Variants in FGD3 observed in about 807,000 individuals in gnomAD.
The protein encoded by FGD3 is FYVE, RhoGEF and PH domain-containing protein 3.
FGD3 carries 45 observed loss-of-function variants against 71.8 expected under a neutral mutation model. That is an observed-to-expected ratio of 0.63 (90% confidence interval 0.49 to 0.80). FGD3 has a LOEUF of 0.80. Ranked by LOEUF, FGD3 falls within the 30% of genes least tolerant of loss-of-function variation. The probability of loss-of-function intolerance (pLI) is 0.00; values close to 1 mark genes in which losing one functional copy is unlikely to be tolerated. For missense variants in FGD3, 844 were observed against 951.5 expected, an observed-to-expected ratio of 0.89 and a Z score of 1.49; for synonymous variants, 378 against 392.8, an observed-to-expected ratio of 0.96 and a Z score of 0.44.
chr9:93,005,663 T>C (rs1000549467), intron 5 of FGD3, among the ~76,000 whole-genome samples: 1 of 152,266 alleles, frequency 6.6e-6, no homozygotes, highest in African/African-American at 2.4e-5. Flanking sequence ...CCATTGTTTC[T>C]AATCTTTGCC....
At chr9:92,952,821 C>G (rs922606956) in intron 1 of FGD3, among the ~76,000 whole-genome samples, 1 of 151,750 alleles carries the variant, frequency 6.6e-6, no homozygotes, top group Non-Finnish European at 1.5e-5. Flanking sequence ...CCTTAGGTGC[C>G]TCCAGTTCTA....
chr9:92,967,575 G>A (rs1039538554), intron 1 of FGD3, among the ~76,000 whole-genome samples: 18 of 151,892 alleles, frequency 1.2e-4, no homozygotes, highest in Non-Finnish European at 1.8e-4. Flanking sequence ...ATTTCCTTCC[G>A]GTTTATTTAT....
chr9:93,008,038 A>G (rs1034846798), intron 6 of FGD3, among the ~76,000 whole-genome samples: 5 of 152,200 alleles, frequency 3.3e-5, no homozygotes, highest in African/African-American at 1.2e-4. Context: ...AGGATATTTT[A>G]AACGTTAAAC....
At chr9:92,955,314 C>T (rs1859030574) in intron 1 of FGD3, among the ~76,000 whole-genome samples, 1 of 152,068 alleles carries the variant, frequency 6.6e-6, no homozygotes, top group Non-Finnish European at 1.5e-5. Context: ...GTGGGCGGAT[C>T]ACCTGAGGTC....
At chr9:92,965,178 G>C (rs1044803098) in intron 1 of FGD3, among the ~76,000 whole-genome samples, 6 of 152,202 alleles carry the variant, frequency 3.9e-5, no homozygotes, top group African/African-American at 1.4e-4. Context: ...GGCATGTTCG[G>C]GTCACACAGC....
At position 92,948,837 on chromosome 9, in the gene FGD3, C is replaced by A. The variant is rs565378238; in HGVS notation, c.-218+1108C>A. On this transcript the variant is annotated intron_variant, in intron 1 of 17. Coordinates refer to ENST00000375482, the MANE Select transcript of FGD3 (RefSeq NM_001083536.2). ...CAGCTGAAGGCCAGCTGGCTTTGGA[C>A]ACAACGCCTTCTCTGTGTTGTGCCC... 5.3e-5 allele frequency among the ~76,000 whole-genome samples: 8 copies of A among 152,300 alleles called. No homozygotes were observed. In the South Asian group the frequency reaches 1.5e-3, roughly 28 times the overall value.
intron 6 of FGD3, among the ~76,000 whole-genome samples, chr9:93,006,795 C>T (rs1001582489): frequency 4.0e-5 from 6 of 151,420 alleles, no homozygotes; most frequent in African/African-American, 7.3e-5. Flanking sequence ...GGCACGATCT[C>T]GGCTCACTGC....
rs1861041839 is a variant in FGD3, at chr9:93,006,121, C to T, written c.778C>T (p.Leu260=). The T allele has an allele frequency of 1.2e-6, 2 of 1,613,352 alleles. No homozygotes were observed. The highest frequency in any genetic ancestry group is 8.5e-7 in the Non-Finnish European group (1 of 1,179,740). Residue 260 remains leucine, a synonymous_variant, in exon 6 of 18, where the codon CTG becomes TTG. Transcript: ENST00000375482. The stretch of plus-strand genomic sequence containing the variant: ...CAAGAACTTTGACCGAGCCGTAGGG[C>T]TGGTGAGCACGTGGACCCAGCGCTC... ...YVKNFDRAVG[L]VSTWTQRSPL... is the part of the protein sequence containing the mutation.
chr9:92,977,866 C>T (rs1175521655), intron 3 of FGD3, among the ~76,000 whole-genome samples: 2 of 152,184 alleles, frequency 1.3e-5, no homozygotes, highest in African/African-American at 4.8e-5. Flanking sequence ...GTAGTTTACA[C>T]ACAACTGACC....
rs35609500 is a variant in FGD3, at chr9:92,976,577, G to T, written c.321G>T (p.Ala107=). ...EAGPSPTVLG[A]HAEMALDSQV... is the part of the protein sequence containing the mutation. ...GCCCAAGCCCCACTGTACTGGGGGC[G>T]CACGCAGAGATGGCCCTGGACAGCC... Residue 107 remains alanine, a synonymous_variant, in exon 3 of 18, where the codon GCG becomes GCT. Coordinates refer to ENST00000375482, the MANE Select transcript of FGD3 (RefSeq NM_001083536.2). 1.2e-6 allele frequency: 2 copies of T among 1,612,428 alleles called. No individual in the cohort carries two copies. The highest frequency in any genetic ancestry group is 2.7e-5 in the African/African-American group (2 of 74,912).
intron 15 of FGD3, among the ~76,000 whole-genome samples, chr9:93,030,573 G>A (rs760776202): frequency 1.3e-5 from 2 of 152,196 alleles, no homozygotes; most frequent in Non-Finnish European, 2.9e-5. Flanking sequence ...GTATCTTTAG[G>A]TTAAGAGATT....
At chr9:92,963,917 T>A (rs1859222791) in intron 1 of FGD3, 1 of 152,330 alleles carries the variant, frequency 6.6e-6, no homozygotes, top group South Asian at 2.1e-4. Context: ...ATGGTGTGTT[T>A]CTGGGCTCAC....
At position 93,010,350 on chromosome 9, in the gene FGD3, C is replaced by T. The variant is rs766538244; in HGVS notation, c.942C>T (p.Leu314=). 9.9e-6 allele frequency: 16 copies of T among 1,612,994 alleles called. No homozygotes were observed. The East Asian group carries it at 1.8e-4, about 18-fold the overall frequency. Reference sequence around the variant, plus strand: ...TGCTCAAGGACTATCTGAAGAGGCTCCCGCAGGACGCCCCAGACCGGAAGG... The same window carrying T: ...TGCTCAAGGACTATCTGAAGAGGCTTCCGCAGGACGCCCCAGACCGGAAGG... ...ELLLKDYLKR[L]PQDAPDRKDA... The change falls in exon 7 of 18, where the codon CTC becomes CTT. Residue 314 remains leucine (L), a synonymous_variant. Coordinates refer to ENST00000375482, the MANE Select transcript of FGD3 (RefSeq NM_001083536.2).
Position 93,010,359 on chromosome 9 carries a change from C to T in FGD3, c.951C>T (p.Asp317=), listed in dbSNP as rs375849637. 4.8e-4 allele frequency: 780 copies of T among 1,612,334 alleles called. 9 individuals carry two copies. In the South Asian group the frequency reaches 6.8e-3, roughly 14 times the overall value. Residue 317 remains aspartate (D), a synonymous_variant, in exon 7 of 18, where the codon GAC becomes GAT. Coordinates refer to ENST00000375482, the MANE Select transcript of FGD3 (RefSeq NM_001083536.2). ...ACTATCTGAAGAGGCTCCCGCAGGACGCCCCAGACCGGAAGGATGCGGAGA... is the reference window on the plus strand; with the variant it reads ...ACTATCTGAAGAGGCTCCCGCAGGATGCCCCAGACCGGAAGGATGCGGAGA... ...LKDYLKRLPQ[D]APDRKDAERS...
At chr9:92,964,755 C>T (rs1185216526) in intron 1 of FGD3, among the ~76,000 whole-genome samples, 1 of 152,074 alleles carries the variant, frequency 6.6e-6, no homozygotes, top group African/African-American at 2.4e-5. Flanking sequence ...CTTTTTCCAT[C>T]GGCTGGCAGC....
At chr9:92,995,727 G>C (rs538048624) in intron 3 of FGD3, among the ~76,000 whole-genome samples, 2 of 152,296 alleles carry the variant, frequency 1.3e-5, no homozygotes, top group East Asian at 3.9e-4. Flanking sequence ...CATCTATTGA[G>C]ATAATCATGT....
intron 14 of FGD3, among the ~76,000 whole-genome samples, chr9:93,028,218 G>GCGCA (rs1862203875): frequency 1.1e-4 from 16 of 141,052 alleles, no homozygotes; most frequent in Non-Finnish European, 2.0e-4. Context: ...ACACACACAC[G>GCGCA]CACACACACA....
chr9:92,969,510 C>T lies in FGD3; in HGVS notation c.-217-5728C>T, dbSNP rs201507931. Among the ~76,000 whole-genome samples the T allele has an allele frequency of 9.2e-5, 14 of 152,226 alleles. No individual in the cohort carries two copies. The East Asian group carries it at 1.5e-3, about 17-fold the overall frequency. On this transcript the variant is annotated intron_variant, in intron 1 of 17. Transcript: ENST00000375482. This position sits in a 1 kb window ranked among gnomAD's most constrained non-coding sequence, Gnocchi z 4.5. Reference sequence around the variant, plus strand: ...CGGGCAGTTTAAAAACCACCACTAACGCGTTTGTTGCTCCCCCTACATAAC... The same window carrying T: ...CGGGCAGTTTAAAAACCACCACTAATGCGTTTGTTGCTCCCCCTACATAAC...
intron 1 of FGD3, among the ~76,000 whole-genome samples, chr9:92,948,313 C>T (rs997864324): frequency 4.6e-5 from 7 of 152,340 alleles, no homozygotes; most frequent in East Asian, 1.9e-4. Flanking sequence ...AAAACCAGGG[C>T]GAAAGCGGGT....
Sources: gnomAD v4.1 joint callset for allele counts (sites outside exome capture counted in the v4.1 genomes callset) on GRCh38, gnomAD v4.1.1 for gene constraint, Gnocchi (gnomAD v3.1) non-coding constraint, MANE v1.5 for transcripts, NCBI Gene and HGNC (gene_info 2026-07-23, HGNC 2026-07-21) for gene names.